The following PTK2B variants were observed in gnomAD, a reference collection of about 807,000 sequenced individuals.
PTK2B encodes protein tyrosine kinase 2 beta.
PTK2B carries 71 observed loss-of-function variants against 142.9 expected under a neutral mutation model. The ratio of observed to expected loss-of-function variants is 0.50; its 90% CI spans 0.41 to 0.61. The LOEUF (loss-of-function observed/expected upper bound fraction) is 0.61, where lower values mean the gene tolerates loss of function less well. Ranked by LOEUF, PTK2B falls within the 20% of genes least tolerant of loss-of-function variation. The pLI is 0.00. For synonymous variants in PTK2B, 519 were observed against 503.4 expected (o/e 1.03, Z -0.42); for missense variants, 1,105 against 1,320.4 (o/e 0.84, Z 2.53).
At chr8:27,321,839 C>T (rs183457180), upstream of PTK2B, among the ~76,000 whole-genome samples, 193 of 152,236 alleles carry the variant, frequency 1.3e-3, no homozygotes, top group African/African-American at 3.9e-3. Context: ...AGGTTGAGGG[C>T]ATGATTTTGA....
chr8:27,423,624 A>G (rs1809895461), intron 5 of PTK2B, among the ~76,000 whole-genome samples: 1 of 152,118 alleles, frequency 6.6e-6, no homozygotes, highest in African/African-American at 2.4e-5. Flanking sequence ...CCGGAGCCTT[A>G]TCTGTGACCT....
At position 27,440,381 on chromosome 8, in the gene PTK2B, G is replaced by A. The variant is rs531806371; in HGVS notation, c.1979G>A (p.Arg660His). The A allele has an allele frequency of 6.2e-6, 10 of 1,614,160 alleles. No individual in the cohort carries two copies. The highest frequency in any genetic ancestry group is 3.3e-5 in the South Asian group (3 of 91,082). Reference protein sequence around the residue: ...CPPVLYTLMTRCWDYDPSDRP... With the variant: ...CPPVLYTLMTHCWDYDPSDRP... The stretch of plus-strand genomic sequence containing the variant: ...CCGGTCCTTTATACCCTCATGACCC[G>A]CTGCTGGGACTACGACCCCAGTGAC... The change falls in exon 21 of 31, where the codon CGC (arginine) becomes CAC (histidine). Residue 660 changes from arginine (R) to histidine (H), a missense_variant. Transcript: ENST00000346049.
chr8:27,314,772 A>T (rs553179102), intron 3 of PTK2B, among the ~76,000 whole-genome samples: 2 of 152,170 alleles, frequency 1.3e-5, no homozygotes, highest in Middle Eastern at 6.8e-3. Flanking sequence ...CGTTTTTTCC[A>T]ATTCTTTGTT....
chr8:27,338,326 T>C (rs1804198855), intron 1 of PTK2B, among the ~76,000 whole-genome samples: 1 of 151,832 alleles, frequency 6.6e-6, no homozygotes, highest in Non-Finnish European at 1.5e-5. Context: ...AAAAAATTGC[T>C]GAGGGAGCTA....
At chr8:27,423,584 G>T (rs1035442590) in intron 5 of PTK2B, among the ~76,000 whole-genome samples, 3 of 152,118 alleles carry the variant, frequency 2.0e-5, no homozygotes, top group African/African-American at 7.2e-5. Context: ...GTTGGCCAAG[G>T]ATTACTTCCT....
intron 1 of PTK2B, among the ~76,000 whole-genome samples, chr8:27,364,258 G>T (rs574776065): frequency 1.3e-5 from 2 of 152,352 alleles, no homozygotes; most frequent in Middle Eastern, 6.8e-3. Flanking sequence ...GCAGCTCAGA[G>T]AATGCACCTC....
chr8:27,439,682 C>T (rs1184163454), intron 20 of PTK2B, among the ~76,000 whole-genome samples: 11 of 152,090 alleles, frequency 7.2e-5, no homozygotes, highest in Admixed American at 1.3e-4. Context: ...TAAGACGAAA[C>T]TCTGTGACTT....
chr8:27,361,711 G>T (rs1422480094), intron 1 of PTK2B, among the ~76,000 whole-genome samples: 2 of 152,106 alleles, frequency 1.3e-5, no homozygotes, highest in Admixed American at 1.3e-4. Context: ...ATCCCAGGTG[G>T]TCTCCCCAGG....
At chr8:27,345,120 G>A (rs949450269) in intron 1 of PTK2B, among the ~76,000 whole-genome samples, 4 of 152,176 alleles carry the variant, frequency 2.6e-5, no homozygotes, top group East Asian at 1.9e-4. Flanking sequence ...CCAAGATGGC[G>A]CCACTGCACT....
intron 1 of PTK2B, among the ~76,000 whole-genome samples, chr8:27,365,416 C>A (rs1805963391): frequency 6.6e-6 from 1 of 152,200 alleles, no homozygotes; most frequent in Admixed American, 6.5e-5. Flanking sequence ...ATCTTGGCCT[C>A]TTTCTTTGGA....
chr8:27,451,919 G>A, intron 27 of PTK2B: 1 of 354,780 alleles, frequency 2.8e-6, no homozygotes, highest in Non-Finnish European at 4.1e-6. Context: ...GAAAGTGAGA[G>A]GGGCAGCTGA....
At chr8:27,345,294 CTCA>C (rs1804649475) in intron 1 of PTK2B, among the ~76,000 whole-genome samples, 1 of 152,252 alleles carries the variant, frequency 6.6e-6, no homozygotes, top group Non-Finnish European at 1.5e-5. Flanking sequence ...TTCCTCGGGC[CTCA>C]TCTTCTAACT....
At chr8:27,428,974 C>T (rs1247564412) in intron 5 of PTK2B, among the ~76,000 whole-genome samples, 1 of 152,146 alleles carries the variant, frequency 6.6e-6, no homozygotes, top group African/African-American at 2.4e-5. Context: ...TGCTGGAGTG[C>T]AATGGTGCAA....
chr8:27,329,593 T>G (rs894441163), intron 1 of PTK2B, among the ~76,000 whole-genome samples: 3 of 152,038 alleles, frequency 2.0e-5, no homozygotes, highest in African/African-American at 7.3e-5. Context: ...GGAGTAGAGG[T>G]GCAGAGCTGC....
intron 1 of PTK2B, among the ~76,000 whole-genome samples, chr8:27,353,808 G>A (rs1223945839): frequency 3.3e-5 from 5 of 152,172 alleles, no homozygotes; most frequent in Non-Finnish European, 7.3e-5. Flanking sequence ...TTTCCCAAGA[G>A]CAGGGGACAA....
At position 27,422,031 on chromosome 8, in the gene PTK2B, A is replaced by G. The variant is rs554797855; in HGVS notation, c.472-273A>G. Among the ~76,000 whole-genome samples the G allele has an allele frequency of 2.6e-5, 4 of 152,304 alleles. No individual in the cohort carries two copies. The East Asian group carries it at 7.7e-4, about 29-fold the overall frequency. On this transcript the variant is annotated intron_variant, in intron 4 of 30. Transcript: ENST00000346049. ...AAATCTCAGTTTTCTTCTATCCAAA[A>G]TGGGGGGCAGGGGAGGGGAATCTGA...
At chr8:27,424,653 G>C (rs1022229098) in intron 5 of PTK2B, among the ~76,000 whole-genome samples, 14 of 152,166 alleles carry the variant, frequency 9.2e-5, no homozygotes, top group Non-Finnish European at 1.3e-4. Context: ...TATTTGTTAT[G>C]ATGAGCCATT....
chr8:27,440,560 C>A, intron 21 of PTK2B, 119 bp downstream of exon 21: 1 of 1,228,230 alleles, frequency 8.1e-7, no homozygotes, highest in Non-Finnish European at 1.1e-6. Context: ...GGGTCAAGGA[C>A]AGGAGGCTGA....
intron 3 of PTK2B, among the ~76,000 whole-genome samples, chr8:27,316,069 T>C (rs1331406864): frequency 6.6e-6 from 1 of 152,314 alleles, no homozygotes; most frequent in South Asian, 2.1e-4. Context: ...GAGGTCCTTA[T>C]TGATGTTCAA....
Sources: gnomAD v4.1 joint callset for allele counts (sites outside exome capture counted in the v4.1 genomes callset) on GRCh38, gnomAD v4.1.1 for gene constraint, MANE v1.5 for transcripts, NCBI Gene and HGNC (gene_info 2026-07-23, HGNC 2026-07-21) for gene names.